MREG: variants seen among roughly 807,000 people sequenced by gnomAD.
MREG encodes the protein dilute suppressor protein homolog.
MREG carries 31 observed loss-of-function variants against 28.5 expected under a neutral mutation model. The observed-to-expected ratio is 1.09, with a 90% CI of 0.82 to 1.47. The LOEUF (loss-of-function observed/expected upper bound fraction) is 1.47. Ranked by LOEUF, MREG falls within the 40% of genes most tolerant of loss-of-function variation. MREG has a pLI of 0.00. For missense variants in MREG, 256 were observed against 257.4 expected, an observed-to-expected ratio of 0.99 and a Z score of 0.04; for synonymous variants, 106 against 95.2, an observed-to-expected ratio of 1.11 and a Z score of -0.66.
rs989479214 is a variant in MREG at position 216,007,555 on chromosome 2, G to C, written c.95+5678C>G. Among the ~76,000 whole-genome samples the C allele has an allele frequency of 1.2e-4, 19 of 152,092 alleles. No individual in the cohort carries two copies. In the Middle Eastern group the frequency reaches 0.01, roughly 82 times the overall value. Reference sequence around the variant, plus strand: ...AGTGATTCTCCTGTCTCAGCCTCCAGAGTAGCTGGGATTACAGGCATGTGC... The same window carrying C: ...AGTGATTCTCCTGTCTCAGCCTCCACAGTAGCTGGGATTACAGGCATGTGC... On this transcript the variant is annotated intron_variant, in intron 1 of 4. Coordinates refer to ENST00000263268, the MANE Select transcript of MREG (RefSeq NM_018000.3).
chr2:215,960,193 G>A (rs6759465), intron 2 of MREG, among the ~76,000 whole-genome samples: 4,683 of 152,220 alleles, frequency 0.031, 112 homozygotes, highest in African/African-American at 0.058. Flanking sequence ...CTGACCTCAC[G>A]ATCCGCCCGC....
chr2:215,987,609 A>G (rs1319186382), intron 2 of MREG, among the ~76,000 whole-genome samples: 1 of 151,974 alleles, frequency 6.6e-6, no homozygotes, highest in Non-Finnish European at 1.5e-5. Flanking sequence ...GGAAGGGCGC[A>G]GTGGCTCACA....
intron 2 of MREG, among the ~76,000 whole-genome samples, chr2:215,950,963 T>C (rs544540965): frequency 2.6e-4 from 39 of 152,248 alleles, no homozygotes; most frequent in African/African-American, 9.4e-4. Flanking sequence ...CAAGATCTGG[T>C]TGTTTGAAAG....
chr2:215,999,755 C>G (rs1693965513), intron 1 of MREG, among the ~76,000 whole-genome samples: 1 of 152,144 alleles, frequency 6.6e-6, no homozygotes, highest in Non-Finnish European at 1.5e-5. Context: ...ACAGAGGTAC[C>G]AGCGAAGGTG....
chr2:216,021,340 G>A (rs1301805991), intron 1 of MREG, among the ~76,000 whole-genome samples: 1 of 152,000 alleles, frequency 6.6e-6, no homozygotes, highest in Non-Finnish European at 1.5e-5. Flanking sequence ...CACCCGCCTC[G>A]GCCTCCCAAA....
intron 2 of MREG, among the ~76,000 whole-genome samples, chr2:215,949,066 CTACTACTACTACTACTACTACTAA>C (rs1415768360): frequency 7.2e-6 from 1 of 138,326 alleles, no homozygotes; most frequent in Non-Finnish European, 1.6e-5. Flanking sequence ...ACTACTACTA[CTACTACTACTACTACTACTACTAA>C]TAATAATAAT....
chr2:215,945,626 T>C lies in MREG; in HGVS notation c.455A>G (p.Glu152Gly), dbSNP rs984465189. 6 of 1,613,924 alleles carry C rather than the reference T, an allele frequency of 3.7e-6. No individual in the cohort carries two copies. Among genetic ancestry groups the C allele is most frequent in the Non-Finnish European group, 4.2e-6 (5 of 1,179,890 alleles). ...CCAACTTGTTGGGAAAATATTGGTT[T>C]CTTCAGCCAGTTTTAACAACATCTC... ...AREMLLKLAE[E>G]TNIFPTSWEL... The change falls in exon 4 of 5, where the codon GAA becomes GGA. Residue 152 changes from glutamate to glycine, a missense_variant. Transcript: ENST00000263268.
intron 2 of MREG, among the ~76,000 whole-genome samples, chr2:215,979,983 A>C (rs1414743910): frequency 6.7e-6 from 1 of 149,560 alleles, no homozygotes; most frequent in African/African-American, 2.5e-5. Context: ...ACAAACAAAA[A>C]AAAAAAACAA....
intron 2 of MREG, among the ~76,000 whole-genome samples, chr2:215,956,060 C>T (rs1440589483): frequency 6.6e-6 from 1 of 151,964 alleles, no homozygotes; most frequent in Non-Finnish European, 1.5e-5. Flanking sequence ...AAACGTATAA[C>T]AAATAAAGCC....
intron 3 of MREG, among the ~76,000 whole-genome samples, chr2:215,946,195 G>T (rs1692313940): frequency 6.6e-6 from 1 of 150,428 alleles, no homozygotes. Context: ...AAAGTATAAA[G>T]GATTCAAAGA....
At chr2:215,964,382 G>A (rs1469631185) in intron 2 of MREG, among the ~76,000 whole-genome samples, 1 of 152,052 alleles carries the variant, frequency 6.6e-6, no homozygotes, top group Non-Finnish European at 1.5e-5. Context: ...TACTCAGGAG[G>A]CCGAGGCACC....
intron 2 of MREG, among the ~76,000 whole-genome samples, chr2:215,994,156 C>A (rs1249990899): frequency 6.6e-6 from 1 of 151,994 alleles, no homozygotes. Flanking sequence ...AGATTTGGAA[C>A]CAACCCAAAT....
At chr2:216,018,713 T>G (rs1191824633) in intron 1 of MREG, among the ~76,000 whole-genome samples, 2 of 152,204 alleles carry the variant, frequency 1.3e-5, no homozygotes, top group African/African-American at 4.8e-5. Context: ...ATGACTAATG[T>G]TACCAAAGTA....
intron 3 of MREG, among the ~76,000 whole-genome samples, 197 bp from the exon 4 acceptor site, chr2:215,945,931 A>T (rs1290795066): frequency 6.6e-6 from 1 of 152,106 alleles, no homozygotes; most frequent in Non-Finnish European, 1.5e-5. Flanking sequence ...TTTAATTACA[A>T]TTCTTTCGGT....
intron 2 of MREG, among the ~76,000 whole-genome samples, chr2:215,987,938 AAAG>A (rs1162902008): frequency 1.3e-5 from 2 of 152,126 alleles, no homozygotes; most frequent in Non-Finnish European, 2.9e-5. Context: ...AAAAAATAAA[AAAG>A]AAGAAGGAAG....
chr2:215,960,418 A>T (rs1692748824), intron 2 of MREG, among the ~76,000 whole-genome samples: 1 of 152,252 alleles, frequency 6.6e-6, no homozygotes, highest in East Asian at 1.9e-4. Flanking sequence ...TGATGCATGT[A>T]AAAGCCAAGT....
rs373382741 is a variant in MREG at position 216,005,618 on chromosome 2, T to C, written c.95+7615A>G. The stretch of plus-strand genomic sequence containing the variant: ...AAGTGCCGCCACCACACCAAGCTAA[T>C]TTTTTTGTAGTTTGAGTAGACACAG... On this transcript the variant is annotated intron_variant, in intron 1 of 4. Transcript: ENST00000263268. Among the ~76,000 whole-genome samples the C allele has an allele frequency of 1.1e-4, 16 of 151,788 alleles. No individual in the cohort carries two copies. The East Asian group carries it at 2.5e-3, about 24-fold the overall frequency.
At chr2:216,022,938 A>G (rs926661200) in intron 1 of MREG, among the ~76,000 whole-genome samples, 5 of 152,252 alleles carry the variant, frequency 3.3e-5, no homozygotes, top group Admixed American at 2.6e-4. Flanking sequence ...CACATTTGCT[A>G]TGAAAGGCGA....
chr2:216,026,152 T>C (rs1029948788), intron 1 of MREG, among the ~76,000 whole-genome samples: 5 of 152,098 alleles, frequency 3.3e-5, no homozygotes, highest in African/African-American at 9.7e-5. Flanking sequence ...TAAATATCCA[T>C]AGAGAGACAT....
Sources: gnomAD v4.1 joint callset for allele counts (sites outside exome capture counted in the v4.1 genomes callset) on GRCh38, gnomAD v4.1.1 for gene constraint, MANE v1.5 for transcripts, NCBI Gene and HGNC (gene_info 2026-07-23, HGNC 2026-07-21) for gene names.